The following FAR2 variants were observed in gnomAD, a reference collection of about 807,000 sequenced individuals.
FAR2 encodes fatty acyl-CoA reductase 2, also known as epididymis secretory protein Li 81.
A neutral mutation model predicts 56.0 loss-of-function variants in FAR2; 19 were observed. That is an observed-to-expected ratio of 0.34 (90% confidence interval 0.24 to 0.50). The LOEUF (loss-of-function observed/expected upper bound fraction) is 0.50, where lower values mean the gene tolerates loss of function less well. FAR2 is among the 20% of genes least tolerant of loss of function. FAR2 has a pLI of 0.98. For missense variants in FAR2, 508 were observed against 642.2 expected, an observed-to-expected ratio of 0.79 and a Z score of 2.26; for synonymous variants, 219 against 218.8, an observed-to-expected ratio of 1.00 and a Z score of -0.01.
At chr12:29,277,438 G>A (rs928963598) in intron 2 of FAR2, 1 of 152,164 alleles carries the variant, frequency 6.6e-6, no homozygotes, top group African/African-American at 2.4e-5. Context: ...TGTATGTCAG[G>A]CACTTATTGC....
At chr12:29,175,411 C>T (rs569667137) in intron 1 of FAR2, among the ~76,000 whole-genome samples, 2 of 152,316 alleles carry the variant, frequency 1.3e-5, no homozygotes, top group East Asian at 3.9e-4. Context: ...AAGCTGCAGA[C>T]CTTCACGGCA....
chr12:29,204,440 G>C (rs1380764284), intron 1 of FAR2, among the ~76,000 whole-genome samples: 1 of 152,108 alleles, frequency 6.6e-6, no homozygotes, highest in Non-Finnish European at 1.5e-5. Flanking sequence ...ACTCTACATA[G>C]GGTGTTTAAG....
At chr12:29,227,129 T>A (rs1947781795) in intron 1 of FAR2, among the ~76,000 whole-genome samples, 1 of 152,220 alleles carries the variant, frequency 6.6e-6, no homozygotes, top group South Asian at 2.1e-4. Flanking sequence ...AGTGTGGAGA[T>A]GCTCTGTTTT....
intron 1 of FAR2, among the ~76,000 whole-genome samples, chr12:29,261,434 C>G (rs766957400): frequency 1.3e-5 from 2 of 152,008 alleles, no homozygotes; most frequent in African/African-American, 4.8e-5. Flanking sequence ...CCTACAAGAT[C>G]TCAAAAGAGC....
intron 9 of FAR2, 56 bp downstream of exon 9, chr12:29,317,068 CA>C: frequency 1.3e-6 from 2 of 1,529,524 alleles, no homozygotes; most frequent in Non-Finnish European, 1.8e-6. Flanking sequence ...ATTAAGGCCC[CA>C]AAATCTTTAG....
At chr12:29,177,457 T>G (rs568437118) in intron 1 of FAR2, among the ~76,000 whole-genome samples, 2 of 152,352 alleles carry the variant, frequency 1.3e-5, no homozygotes, top group South Asian at 4.1e-4. Flanking sequence ...AGAAGAATGA[T>G]GTCACTGAGA....
chr12:29,314,717 C>G (rs1408213534), intron 8 of FAR2, among the ~76,000 whole-genome samples: 1 of 151,962 alleles, frequency 6.6e-6, no homozygotes, highest in Non-Finnish European at 1.5e-5. Context: ...CAAAATATTG[C>G]AATCATAAAC....
intron 2 of FAR2, among the ~76,000 whole-genome samples, chr12:29,276,521 G>T (rs572252120): frequency 6.6e-6 from 1 of 152,244 alleles, no homozygotes; most frequent in South Asian, 2.1e-4. Context: ...TCTGATACCT[G>T]TAAAGAGATT....
At chr12:29,293,082 G>A (rs932256488) in intron 2 of FAR2, 1 of 368,542 alleles carries the variant, frequency 2.7e-6, no homozygotes. Flanking sequence ...GCGCAGGCTG[G>A]TGTCGAACTC....
chr12:29,255,291 T>C (rs993745676), intron 1 of FAR2, among the ~76,000 whole-genome samples: 1 of 152,214 alleles, frequency 6.6e-6, no homozygotes, highest in Admixed American at 6.5e-5. Flanking sequence ...CCTAGAGAGC[T>C]CTCTGGTGTC....
intron 1 of FAR2, among the ~76,000 whole-genome samples, chr12:29,220,006 T>C (rs541349337): frequency 6.6e-6 from 1 of 152,340 alleles, no homozygotes; most frequent in Admixed American, 6.5e-5. Context: ...CCATTACAAA[T>C]CAAGGAATTT....
At chr12:29,314,293 T>C (rs1949407286) in intron 8 of FAR2, among the ~76,000 whole-genome samples, 1 of 152,188 alleles carries the variant, frequency 6.6e-6, no homozygotes, top group Non-Finnish European at 1.5e-5. Flanking sequence ...GCATTATTCT[T>C]GGGCTATGGA....
intron 5 of FAR2, 147 bp from the exon 6 acceptor site, chr12:29,309,039 G>C (rs553549637): frequency 1.5e-6 from 1 of 668,612 alleles, no homozygotes; most frequent in Non-Finnish European, 2.6e-6. Flanking sequence ...ATTATCTTTT[G>C]AGATCTTAAT....
chr12:29,189,147 A>G (rs2136605267), intron 1 of FAR2, among the ~76,000 whole-genome samples: 1 of 152,286 alleles, frequency 6.6e-6, no homozygotes. Context: ...CATCTCCCGG[A>G]AAGGGGAACA....
intron 1 of FAR2, among the ~76,000 whole-genome samples, chr12:29,266,264 C>T (rs1948514626): frequency 6.6e-6 from 1 of 152,106 alleles, no homozygotes; most frequent in Non-Finnish European, 1.5e-5. Flanking sequence ...ATCCAAGTGT[C>T]CATCAATAGA....
chr12:29,296,932 G>A, intron 3 of FAR2, 89 bp from the exon 4 acceptor site: 1 of 1,248,182 alleles, frequency 8.0e-7, no homozygotes, highest in Non-Finnish European at 1.1e-6. Flanking sequence ...AAATCTGATA[G>A]GTATGCCAGT....
intron 1 of FAR2, among the ~76,000 whole-genome samples, chr12:29,209,362 G>A (rs577947500): frequency 6.6e-6 from 1 of 152,198 alleles, no homozygotes; most frequent in Non-Finnish European, 1.5e-5. Flanking sequence ...AATCGTCAAT[G>A]TATTGATTTT....
chr12:29,243,846 G>A (rs1427637659), intron 1 of FAR2, among the ~76,000 whole-genome samples: 2 of 151,588 alleles, frequency 1.3e-5, no homozygotes, highest in South Asian at 4.1e-4. Context: ...ATATCAATGA[G>A]TTTAAAGGCA....
chr12:29,187,004 G>T (rs951094295), intron 1 of FAR2, among the ~76,000 whole-genome samples: 4 of 152,028 alleles, frequency 2.6e-5, no homozygotes, highest in Admixed American at 1.3e-4. Flanking sequence ...TAGCCAGGAT[G>T]GTCTCGATCT....
Sources: gnomAD v4.1 joint callset for allele counts (sites outside exome capture counted in the v4.1 genomes callset) on GRCh38, gnomAD v4.1.1 for gene constraint, MANE v1.5 for transcripts, NCBI Gene and HGNC (gene_info 2026-07-23, HGNC 2026-07-21) for gene names.